Variants in RYR2 observed in about 807,000 individuals in gnomAD.
RYR2 encodes ryanodine receptor 2.
In RYR2, 227 loss-of-function variants were observed where a neutral mutation model predicts 601.1. The ratio of observed to expected loss-of-function variants is 0.38; its 90% CI spans 0.34 to 0.42. RYR2 has a LOEUF of 0.42. Among genes scored for constraint, RYR2 ranks in the 10% least tolerant of loss-of-function variants. RYR2 has a pLI of 1.00. For missense variants in RYR2, 4,646 were observed against 6,156.5 expected (o/e 0.75, Z 8.21); for synonymous variants, 2,223 against 2,175.1 (o/e 1.02, Z -0.61).
chr1:237,647,813 G>C lies in RYR2; in HGVS notation c.7343-631G>C, dbSNP rs139108759. 7.2e-5 allele frequency among the ~76,000 whole-genome samples: 11 copies of C among 152,214 alleles called. No individual in the cohort carries two copies. The East Asian group carries it at 1.9e-3, about 27-fold the overall frequency. On this transcript the variant is annotated intron_variant, in intron 48 of 104. Transcript: ENST00000366574. ...TAATCCCATGATTTCTCATATCAGC[G>C]GTCCCCAATTAGGGAACCTACGGAG...
intron 57 of RYR2, among the ~76,000 whole-genome samples, chr1:237,667,583 T>G (rs1322934253): frequency 6.6e-6 from 1 of 152,200 alleles, no homozygotes; most frequent in African/African-American, 2.4e-5. Flanking sequence ...CAAGAACTTG[T>G]AAATACAAAT....
rs77823126 is a variant in RYR2 at position 237,547,842 on chromosome 1, T to C, written c.2907-589T>C. Reference sequence around the variant, plus strand: ...TGAACTCTAGGGAAATAAAATGCAATCAGATTTTAGATGGTTATATAGCTG... The same window carrying C: ...TGAACTCTAGGGAAATAAAATGCAACCAGATTTTAGATGGTTATATAGCTG... On this transcript the variant is annotated intron_variant, in intron 25 of 104. Transcript: ENST00000366574. Among the ~76,000 whole-genome samples, 361 of 152,296 alleles carry C rather than the reference T, an allele frequency of 2.4e-3. 1 individual carries two copies. Among genetic ancestry groups the C allele is most frequent in the Non-Finnish European group, 3.7e-3 (253 of 68,026 alleles).
In RYR2 at chr1:237,294,442, GA is replaced by G. The variant is rs565181298; in HGVS notation, c.168+23837del. Among the ~76,000 whole-genome samples, 879 of 143,618 alleles carry G rather than the reference GA, an allele frequency of 6.1e-3. 11 individuals are homozygous for G. The highest frequency in any genetic ancestry group is 0.021 in the African/African-American group (810 of 39,292). 94.2% of individuals were successfully genotyped at this position (143,618 alleles called of 152,430 possible). A position where few individuals can be genotyped will look rare whatever the true frequency, so the allele number is the denominator to read the frequency against. On this transcript the variant is annotated intron_variant, in intron 2 of 104. Transcript: ENST00000366574. ...GATAGGCTAAGTTATGCTTTGATAA[GA>G]AAAAAAAAAACCCAAATCTCAATGG... is the stretch of plus-strand genomic sequence containing the variant.
intron 92 of RYR2, 80 bp downstream of exon 92, chr1:237,788,215 C>A: frequency 3.4e-6 from 4 of 1,193,142 alleles, no homozygotes; most frequent in Non-Finnish European, 4.7e-6. Context: ...GTTTGCTGAC[C>A]TCTCCCTGAG....
intron 24 of RYR2, among the ~76,000 whole-genome samples, chr1:237,519,307 G>A (rs542713843): frequency 3.9e-5 from 6 of 152,172 alleles, no homozygotes; most frequent in Admixed American, 6.5e-5. Flanking sequence ...GTCTATTTTT[G>A]TTTTTGTTGC....
intron 60 of RYR2, among the ~76,000 whole-genome samples, chr1:237,675,262 C>T (rs974692738): frequency 3.3e-5 from 5 of 152,088 alleles, no homozygotes; most frequent in African/African-American, 1.2e-4. Context: ...CAGGGAAACA[C>T]GTTAATACTA....
At chr1:237,542,893 C>A (rs1669452532) in intron 25 of RYR2, among the ~76,000 whole-genome samples, 2 of 152,108 alleles carry the variant, frequency 1.3e-5, no homozygotes. Context: ...TTTGGCTCTG[C>A]GATCTATCTG....
intron 17 of RYR2, among the ~76,000 whole-genome samples, chr1:237,491,554 G>A (rs1468983611): frequency 1.3e-5 from 2 of 152,142 alleles, no homozygotes; most frequent in East Asian, 1.9e-4. Context: ...TAGCGTTACC[G>A]GCTTCCTCTG....
chr1:237,674,660 C>T (rs528630466), intron 59 of RYR2, 71 bp from the exon 60 acceptor site: 13 of 743,680 alleles, frequency 1.7e-5, no homozygotes, highest in African/African-American at 5.3e-5. Flanking sequence ...TATATATATA[C>T]ACACACACAA....
chr1:237,743,408 A>C (rs1173949579), intron 80 of RYR2, among the ~76,000 whole-genome samples: 1 of 152,162 alleles, frequency 6.6e-6, no homozygotes, highest in Admixed American at 6.5e-5. Flanking sequence ...TGATTTCTAT[A>C]ATCTTTTCTA....
chr1:237,760,190 TAAA>T (rs765521468), intron 83 of RYR2, among the ~76,000 whole-genome samples: 1 of 124,664 alleles, frequency 8.0e-6, no homozygotes, highest in Non-Finnish European at 1.7e-5. Context: ...ACAAAAAGAT[TAAA>T]AAAAAAAAAA....
intron 1 of RYR2, among the ~76,000 whole-genome samples, chr1:237,223,264 T>A (rs7541015): frequency 0.44 from 67,225 of 151,988 alleles, 15,141 homozygotes; most frequent in East Asian, 0.62. Context: ...GGCATCTGGT[T>A]AGGGTCTTCT....
intron 44 of RYR2, among the ~76,000 whole-genome samples, 160 bp from the exon 45 acceptor site, chr1:237,638,197 C>T (rs1197106608): frequency 6.6e-6 from 1 of 151,564 alleles, no homozygotes; most frequent in Non-Finnish European, 1.5e-5. Context: ...TAAGGTTTTA[C>T]TAAAGGGAGT....
chr1:237,611,071 G>A, intron 36 of RYR2, 83 bp downstream of exon 36: 1 of 1,178,514 alleles, frequency 8.5e-7, no homozygotes, highest in Non-Finnish European at 1.2e-6. Context: ...GTGGTGCGGG[G>A]CAGGGGTGGT....
intron 12 of RYR2, among the ~76,000 whole-genome samples, chr1:237,439,700 C>T (rs1280958966): frequency 2.0e-5 from 3 of 151,696 alleles, no homozygotes; most frequent in Non-Finnish European, 2.9e-5. Flanking sequence ...AATCCAGAGA[C>T]GGATGTGAAA....
chr1:237,347,489 T>A (rs74147242), intron 3 of RYR2, among the ~76,000 whole-genome samples: 1 of 152,136 alleles, frequency 6.6e-6, no homozygotes, highest in Non-Finnish European at 1.5e-5. Flanking sequence ...AAGTATATAA[T>A]GTGGATTTCA....
At chr1:237,820,020 C>A (rs972388282) in intron 101 of RYR2, among the ~76,000 whole-genome samples, 1 of 151,886 alleles carries the variant, frequency 6.6e-6, no homozygotes, top group African/African-American at 2.4e-5. Flanking sequence ...AACCTTGTCT[C>A]TACTAAAAAT....
intron 1 of RYR2, among the ~76,000 whole-genome samples, chr1:237,085,574 G>T (rs538932226): frequency 3.3e-5 from 5 of 152,186 alleles, no homozygotes; most frequent in Non-Finnish European, 7.3e-5. Flanking sequence ...GTGTAATTGG[G>T]TGCACGTGTG....
intron 12 of RYR2, among the ~76,000 whole-genome samples, chr1:237,435,946 A>G (rs1177325614): frequency 6.6e-6 from 1 of 152,140 alleles, no homozygotes; most frequent in East Asian, 1.9e-4. Flanking sequence ...TCTGGCCAGG[A>G]TGATTATGAT....
Sources: allele counts gnomAD v4.1 joint callset (sites outside exome capture counted in the v4.1 genomes callset), GRCh38; gene constraint gnomAD v4.1.1; transcripts MANE v1.5; gene names NCBI Gene and HGNC (gene_info 2026-07-23, HGNC 2026-07-21).